Variants in ITPA observed in about 807,000 individuals in gnomAD.
ITPA encodes the protein inosine triphosphatase.
A neutral mutation model predicts 29.6 loss-of-function variants in ITPA; 29 were observed. The observed-to-expected ratio is 0.98, with a 90% CI of 0.73 to 1.34. The LOEUF is 1.34. Ranked by LOEUF, ITPA falls within the 40% of genes most tolerant of loss-of-function variation. ITPA has a pLI of 0.00. For synonymous variants in ITPA, 103 were observed against 99.3 expected (o/e 1.04, Z -0.22); for missense variants, 241 against 251.5 (o/e 0.96, Z 0.28).
At chr20:3,221,775 C>T in intron 6 of ITPA, 66 bp from the exon 7 acceptor site, 1 of 1,434,732 alleles carries the variant, frequency 7.0e-7, no homozygotes, top group South Asian at 1.1e-5. Flanking sequence ...CTCATACTGG[C>T]CACTGCCCTC....
upstream of ITPA, among the ~76,000 whole-genome samples, chr20:3,205,343 GGGGAA>G (rs1321083308): frequency 6.6e-6 from 1 of 151,276 alleles, no homozygotes; most frequent in Non-Finnish European, 1.5e-5. Flanking sequence ...TTTCTTTTGA[GGGGAA>G]GGGGAGGGGA....
rs1343149914 is a variant in ITPA, at chr20:3,223,348, G to C, written c.489-18G>C. ...TTCCTGAATCTGGGCTCCCTGAGCT[G>C]CTACTGTCACCCCTCAGGTACGCAG... On this transcript the variant is annotated intron_variant, in intron 7 of 7. Coordinates refer to ENST00000380113, the MANE Select transcript of ITPA (RefSeq NM_033453.4). 1.2e-6 allele frequency: 2 copies of C among 1,600,936 alleles called. No homozygotes were observed. Among genetic ancestry groups the C allele is most frequent in the East Asian group, 4.5e-5 (2 of 44,816 alleles).
intron 6 of ITPA, among the ~76,000 whole-genome samples, chr20:3,219,746 CAAA>C (rs34376287): frequency 8.7e-5 from 10 of 115,158 alleles, no homozygotes; most frequent in Non-Finnish European, 8.5e-5. Flanking sequence ...ACTCCGTCTC[CAAA>C]AAAAAAAAAA....
At chr20:3,213,143 A>G in intron 1 of ITPA, 26 bp from the exon 2 acceptor site, 1 of 1,606,198 alleles carries the variant, frequency 6.2e-7, no homozygotes, top group Non-Finnish European at 8.5e-7. Context: ...AGATGGTGAT[A>G]AGTGTTCTCT....
chr20:3,211,076 AAAG>A (rs374055791), intron 1 of ITPA, among the ~76,000 whole-genome samples: 27,870 of 144,480 alleles, frequency 0.19, 2,402 homozygotes, highest in Non-Finnish European at 0.22. Context: ...AAAAAAAAAA[AAAG>A]AAGAAGAAGA....
chr20:3,226,254 GTTGAA>G (rs923353858), downstream of ITPA, among the ~76,000 whole-genome samples: 4 of 152,128 alleles, frequency 2.6e-5, no homozygotes, highest in East Asian at 1.9e-4. The surrounding 1 kb of genome is among the most constrained non-coding windows in gnomAD (Gnocchi z 4.4). Context: ...CAGCAGTTAG[GTTGAA>G]TTGAATTGAA....
chr20:3,223,435 G>A lies in ITPA; in HGVS notation c.558G>A (p.Gln186=). 6.2e-7 allele frequency: 1 copy of A among 1,613,650 alleles called. No homozygotes were observed. Among genetic ancestry groups the A allele is most frequent in the East Asian group, 2.2e-5 (1 of 44,880 alleles). The change falls in exon 8 of 8, where the codon CAG becomes CAA. Residue 186 remains glutamine, a synonymous_variant. Transcript: ENST00000380113. ...GCTTCCGGGCCCTGCTGGAGCTGCA[G>A]GAGTACTTTGGCAGTTTGGCAGCTT... ...SHRFRALLEL[Q]EYFGSLAA
intron 1 of ITPA, among the ~76,000 whole-genome samples, chr20:3,211,284 G>T (rs1047357196): frequency 6.7e-6 from 1 of 148,826 alleles, no homozygotes; most frequent in Non-Finnish European, 1.5e-5. Context: ...TCCTGCCTCA[G>T]CCTCCCGAGT....
At chr20:3,223,261 G>T in intron 7 of ITPA, 105 bp from the exon 8 acceptor site, 1 of 833,608 alleles carries the variant, frequency 1.2e-6, no homozygotes, top group Non-Finnish European at 2.0e-6. Flanking sequence ...CCTTTCCTTG[G>T]GGTCTGTGAG....
At chr20:3,221,456 C>G (rs1017575040) in intron 6 of ITPA, among the ~76,000 whole-genome samples, 1 of 152,206 alleles carries the variant, frequency 6.6e-6, no homozygotes. Context: ...GGCTTGTCCA[C>G]GGAGTTCAGG....
In ITPA at chr20:3,223,598, G is replaced by A. The variant is rs966644781; in HGVS notation, c.*136G>A. ...TGTGAGGGTGTCGAGTAGCCTCACC[G>A]GCCTGTCTGGAGGAGCAGCTGGCTC... On this transcript the variant is annotated 3_prime_UTR_variant, in exon 8 of 8. Coordinates refer to ENST00000380113, the MANE Select transcript of ITPA (RefSeq NM_033453.4). 15 of 704,082 alleles carry A rather than the reference G, an allele frequency of 2.1e-5. No individual in the cohort carries two copies. Among genetic ancestry groups the A allele is most frequent in the Non-Finnish European group, 3.5e-5 (14 of 395,988 alleles). 43.6% of individuals were successfully genotyped at this position (704,082 alleles called of 1,614,324 possible). A position where few individuals can be genotyped will look rare whatever the true frequency, so the allele number is the denominator to read the frequency against.
At chr20:3,215,229 TAAG>T (rs1434245511) in intron 4 of ITPA, 49 bp from the exon 5 acceptor site, 7 of 1,587,362 alleles carry the variant, frequency 4.4e-6, no homozygotes, top group African/African-American at 4.0e-5. Context: ...GAAAAGGTGG[TAAG>T]AAGATCCAGC....
Position 3,221,845 on chromosome 20 carries a change from G to A in ITPA, c.416G>A (p.Arg139Gln), listed in dbSNP as rs771525761. Residue 139 changes from arginine (R) to glutamine (Q), a missense_variant, in exon 7 of 8, where the codon CGG becomes CAG. Transcript: ENST00000380113. ...VRLFRGRTSG[R>Q]IVAPRGCQDF... ...GTCCCCCCTTTCCTGTGGCAGGGCCGGATCGTGGCACCCAGAGGCTGCCAG... is the reference window on the plus strand; with the variant it reads ...GTCCCCCCTTTCCTGTGGCAGGGCCAGATCGTGGCACCCAGAGGCTGCCAG... The A allele has an allele frequency of 8.1e-5, 130 of 1,613,924 alleles. No individual in the cohort carries two copies. The highest frequency in any genetic ancestry group is 1.0e-4 in the Non-Finnish European group (123 of 1,180,016).
chr20:3,218,797 T>C, intron 6 of ITPA, 165 bp downstream of exon 6: 1 of 682,394 alleles, frequency 1.5e-6, no homozygotes, highest in Non-Finnish European at 2.7e-6. Flanking sequence ...GTAGAAGTGC[T>C]GTGGATCCTA....
intron 4 of ITPA, among the ~76,000 whole-genome samples, 180 bp downstream of exon 4, chr20:3,214,238 C>T (rs1056825630): frequency 1.3e-5 from 2 of 152,000 alleles, no homozygotes; most frequent in African/African-American, 2.4e-5. Flanking sequence ...TGTGAGAATG[C>T]GACCTGTAAG....
chr20:3,207,792 C>G (rs1036007901), upstream of ITPA, among the ~76,000 whole-genome samples: 1 of 150,564 alleles, frequency 6.6e-6, no homozygotes, highest in African/African-American at 2.4e-5. Flanking sequence ...GTCAGGAGTT[C>G]GAGACCAGCC....
rs1308694374 is a variant in ITPA at position 3,218,566 on chromosome 20, C to T, written c.345C>T (p.Leu115=). 8.1e-6 allele frequency: 13 copies of T among 1,614,006 alleles called. No homozygotes were observed. The highest frequency in any genetic ancestry group is 1.7e-5 in the Admixed American group (1 of 60,032). The change falls in exon 6 of 8, where the codon CTC becomes CTT. Residue 115 remains leucine, a synonymous_variant. Transcript: ENST00000380113. ...TCGAGGACAAGTCAGCCTATGCGCT[C>T]TGCACGTTTGCACTCAGCACCGGGG... ...AGFEDKSAYA[L]CTFALSTGDP... is the part of the protein sequence containing the mutation.
At chr20:3,224,886 C>T (rs2067539815), downstream of ITPA, among the ~76,000 whole-genome samples, 8 of 152,138 alleles carry the variant, frequency 5.3e-5, no homozygotes, top group South Asian at 1.7e-3. Flanking sequence ...ATTTTTTTTA[C>T]TTTAGCTACC....
chr20:3,204,827 A>C, upstream of ITPA: 1 of 564,374 alleles, frequency 1.8e-6, no homozygotes, highest in South Asian at 2.2e-5. Flanking sequence ...AAATTATAGC[A>C]GACGGTATGT....
Sources: gnomAD v4.1 joint callset for allele counts (sites outside exome capture counted in the v4.1 genomes callset) on GRCh38, gnomAD v4.1.1 for gene constraint, Gnocchi (gnomAD v3.1) non-coding constraint, MANE v1.5 for transcripts, NCBI Gene and HGNC (gene_info 2026-07-23, HGNC 2026-07-21) for gene names.